The following NTRK3 variants were observed in gnomAD, a reference collection of about 807,000 sequenced individuals.
NTRK3 encodes the protein NT-3 growth factor receptor.
In NTRK3, 24 loss-of-function variants were observed where a neutral mutation model predicts 91.7. That is an observed-to-expected ratio of 0.26 (90% CI 0.19 to 0.37). The LOEUF (loss-of-function observed/expected upper bound fraction) is 0.37. Ranked by LOEUF, NTRK3 falls within the 10% of genes least tolerant of loss-of-function variation. NTRK3 has a pLI of 1.00. For synonymous variants in NTRK3, 483 were observed against 404.0 expected (o/e 1.20, Z -2.34); for missense variants, 880 against 1,068.9 (o/e 0.82, Z 2.46).
intron 14 of NTRK3, among the ~76,000 whole-genome samples, chr15:87,950,339 C>A (rs1273159327): frequency 7.2e-5 from 11 of 152,218 alleles, no homozygotes; most frequent in Admixed American, 7.2e-4. Flanking sequence ...ACACCATTGA[C>A]CTTGACAGCT....
intron 3 of NTRK3, among the ~76,000 whole-genome samples, chr15:88,229,467 C>G (rs1165280168): frequency 6.6e-6 from 1 of 152,150 alleles, no homozygotes; most frequent in African/African-American, 2.4e-5. Flanking sequence ...CCATATGAAC[C>G]TTCAAAGATG....
chr15:88,055,907 C>T (rs1417827135), intron 13 of NTRK3, among the ~76,000 whole-genome samples: 1 of 152,138 alleles, frequency 6.6e-6, no homozygotes, highest in East Asian at 1.9e-4. Context: ...GAGAATCAGA[C>T]TGAAAGGGAC....
chr15:88,196,891 C>G (rs981459381), intron 3 of NTRK3, among the ~76,000 whole-genome samples: 3 of 152,054 alleles, frequency 2.0e-5, no homozygotes, highest in African/African-American at 7.2e-5. Context: ...AATATGCATT[C>G]CCCTGAACTC....
chr15:88,099,908 T>C (rs2050000465), intron 13 of NTRK3, among the ~76,000 whole-genome samples: 1 of 152,110 alleles, frequency 6.6e-6, no homozygotes, highest in African/African-American at 2.4e-5. Flanking sequence ...GCTTCAGGAT[T>C]TGGGGAGGGG....
At position 87,993,885 on chromosome 15, in the gene NTRK3, G is replaced by A. The variant is rs114821707; in HGVS notation, c.1585+38972C>T. On this transcript the variant is annotated intron_variant, in intron 14 of 18. Coordinates refer to ENST00000394480, the Ensembl canonical transcript of NTRK3. ...ACTGCAAAGAGGAGCTAAAAACCCAGTGCCAAGAATGGGAGTCTATACCTC... is the reference window on the plus strand; with the variant it reads ...ACTGCAAAGAGGAGCTAAAAACCCAATGCCAAGAATGGGAGTCTATACCTC... Among the ~76,000 whole-genome samples the A allele has an allele frequency of 1.1e-3, 163 of 152,306 alleles. 1 individual carries two copies. Among genetic ancestry groups the A allele is most frequent in the African/African-American group, 3.8e-3 (158 of 41,562 alleles).
intron 13 of NTRK3, among the ~76,000 whole-genome samples, chr15:88,084,826 A>G (rs558365466): frequency 6.6e-6 from 1 of 152,324 alleles, no homozygotes; most frequent in South Asian, 2.1e-4. Flanking sequence ...GCTGAGCAGG[A>G]CACACTGAGA....
intron 5 of NTRK3, among the ~76,000 whole-genome samples, chr15:88,154,759 G>A (rs997426757): frequency 3.9e-5 from 6 of 152,038 alleles, no homozygotes; most frequent in African/African-American, 1.2e-4. Flanking sequence ...TATGTTCATG[G>A]GTATTTCAAG....
intron 14 of NTRK3, among the ~76,000 whole-genome samples, chr15:87,991,850 C>T (rs969320582): frequency 2.0e-5 from 3 of 151,924 alleles, no homozygotes; most frequent in Admixed American, 6.6e-5. Context: ...ACTTAACTTC[C>T]CTAAGCCTCA....
intron 13 of NTRK3, among the ~76,000 whole-genome samples, chr15:88,051,269 G>C (rs8029238): frequency 0.03 from 4,539 of 152,182 alleles, 235 homozygotes; most frequent in African/African-American, 0.1. Flanking sequence ...CCACTCCCTT[G>C]AAGCATTTCT....
intron 5 of NTRK3, among the ~76,000 whole-genome samples, chr15:88,155,815 TC>T (rs2043837926): frequency 6.8e-6 from 1 of 147,412 alleles, no homozygotes; most frequent in Non-Finnish European, 1.5e-5. Context: ...CATCTATCTA[TC>T]TATCTATCTA....
intron 5 of NTRK3, among the ~76,000 whole-genome samples, chr15:88,158,912 A>G (rs2044174390): frequency 6.6e-6 from 1 of 152,232 alleles, no homozygotes; most frequent in Non-Finnish European, 1.5e-5. Context: ...AAAAAGACGC[A>G]GAAAGCATCT....
chr15:88,251,309 G>A (rs1338521065), intron 3 of NTRK3, among the ~76,000 whole-genome samples: 1 of 152,200 alleles, frequency 6.6e-6, no homozygotes, highest in East Asian at 1.9e-4. Flanking sequence ...CGAGCCTCCT[G>A]GGGGAAGTTC....
intron 5 of NTRK3, among the ~76,000 whole-genome samples, chr15:88,162,744 G>C (rs1203456543): frequency 6.6e-6 from 1 of 152,130 alleles, no homozygotes; most frequent in Admixed American, 6.5e-5. Flanking sequence ...GCTTTGGATG[G>C]GGAGGCAGAT....
Position 88,146,972 on chromosome 15 carries a change from T to C in NTRK3, c.464+363A>G, listed in dbSNP as rs375551255. On this transcript the variant is annotated intron_variant, in intron 6 of 18. Coordinates refer to ENST00000394480, the Ensembl canonical transcript of NTRK3. ...TCTTATGATGATAAATCTAAAGTTA[T>C]ATAAATGAAAGCATGCCTAATAGTC... Among the ~76,000 whole-genome samples, 33 of 152,274 alleles carry C rather than the reference T, an allele frequency of 2.2e-4. No individual in the cohort carries two copies. The South Asian group carries it at 4.1e-3, about 19-fold the overall frequency.
At position 88,165,593 on chromosome 15, in the gene NTRK3, C is replaced by T. The variant is rs537284688; in HGVS notation, c.395+17825G>A. Among the ~76,000 whole-genome samples the T allele has an allele frequency of 2.6e-5, 4 of 152,154 alleles. No individual in the cohort carries two copies. In the South Asian group the frequency reaches 8.3e-4, roughly 32 times the overall value. Reference sequence around the variant, plus strand: ...CCTGAGAAATCAAAATAATAAGTAACGTTTACTCTGTGTTTGTTAGGAGCT... The same window carrying T: ...CCTGAGAAATCAAAATAATAAGTAATGTTTACTCTGTGTTTGTTAGGAGCT... On this transcript the variant is annotated intron_variant, in intron 5 of 18. Coordinates refer to ENST00000394480, the Ensembl canonical transcript of NTRK3.
intron 15 of NTRK3, among the ~76,000 whole-genome samples, chr15:87,939,349 G>A (rs556482858): frequency 6.6e-6 from 1 of 152,150 alleles, no homozygotes; most frequent in African/African-American, 2.4e-5. Flanking sequence ...CTAAGGAGAG[G>A]ATATTATTAT....
At chr15:87,954,966 A>G (rs1000561437) in intron 14 of NTRK3, among the ~76,000 whole-genome samples, 9 of 152,312 alleles carry the variant, frequency 5.9e-5, no homozygotes, top group African/African-American at 2.2e-4. Flanking sequence ...AGTGTGAACT[A>G]TGAGACTGGG....
At chr15:88,109,610 T>G (rs928964793) in intron 13 of NTRK3, among the ~76,000 whole-genome samples, 1 of 152,072 alleles carries the variant, frequency 6.6e-6, no homozygotes, top group Non-Finnish European at 1.5e-5. Flanking sequence ...TTCCAAGATA[T>G]GTGCTCTGGC....
Position 88,235,341 on chromosome 15 carries a change from C to T in NTRK3, c.248+20565G>A, listed in dbSNP as rs967577408. ...CTCTGAGCTGGCAGGCTGGGCTGGT[C>T]GCTGGACCCACGCAGTCAGTACCCT... On this transcript the variant is annotated intron_variant, in intron 3 of 18. Coordinates refer to ENST00000394480, the Ensembl canonical transcript of NTRK3. This position sits in a 1 kb window ranked among gnomAD's most constrained non-coding sequence, Gnocchi z 5.2. Among the ~76,000 whole-genome samples the T allele has an allele frequency of 4.6e-5, 7 of 152,186 alleles. No individual in the cohort carries two copies. Among genetic ancestry groups the T allele is most frequent in the African/African-American group, 1.2e-4 (5 of 41,446 alleles).
Sources: gnomAD v4.1 joint callset for allele counts (sites outside exome capture counted in the v4.1 genomes callset) on GRCh38, gnomAD v4.1.1 for gene constraint, Gnocchi (gnomAD v3.1) non-coding constraint, MANE v1.5 for transcripts, NCBI Gene and HGNC (gene_info 2026-07-23, HGNC 2026-07-21) for gene names.